The following UPP1 variants were observed in gnomAD, a reference collection of about 807,000 sequenced individuals.
The protein encoded by UPP1 is UPase 1.
UPP1 carries 25 observed loss-of-function variants against 29.6 expected under a neutral mutation model. That is an observed-to-expected ratio of 0.85 (90% CI 0.62 to 1.18). The LOEUF (loss-of-function observed/expected upper bound fraction) is 1.18, where lower values mean the gene tolerates loss of function less well. UPP1 is among the 50% of genes most tolerant of loss of function. The pLI, the probability that UPP1 is intolerant of heterozygous loss-of-function variation, is 0.00. For missense variants in UPP1, 368 were observed against 410.4 expected (o/e 0.90, Z 0.89); for synonymous variants, 165 against 159.8 (o/e 1.03, Z -0.25).
Position 48,095,925 on chromosome 7 carries a change from G to A in UPP1, c.44+1098G>A, listed in dbSNP as rs550866821. Among the ~76,000 whole-genome samples, 160 of 152,318 alleles carry A rather than the reference G, an allele frequency of 1.1e-3. 1 individual carries two copies. Among genetic ancestry groups the A allele is most frequent in the African/African-American group, 3.4e-3 (142 of 41,558 alleles). ...GTCTCCCAAAGTGCTGGGATTACGG[G>A]CGTGAGCCACTGTGGCCTGCCTCAG... On this transcript the variant is annotated intron_variant, in intron 3 of 8. Transcript: ENST00000395564.
intron 8 of UPP1, 120 bp downstream of exon 8, chr7:48,107,627 C>T (rs1243383186): frequency 3.8e-5 from 46 of 1,222,802 alleles, no homozygotes; most frequent in Non-Finnish European, 4.6e-5. Context: ...TTTCTGTTTC[C>T]GCTGCCCCCA....
At chr7:48,092,113 G>A (rs906526149) in intron 2 of UPP1, among the ~76,000 whole-genome samples, 3 of 152,022 alleles carry the variant, frequency 2.0e-5, no homozygotes, top group African/African-American at 7.3e-5. Context: ...TGGTTCACTG[G>A]GGGGCTGCTC....
intron 2 of UPP1, among the ~76,000 whole-genome samples, chr7:48,091,180 A>AAAACATT (rs1337146860): frequency 6.6e-6 from 1 of 152,192 alleles, no homozygotes; most frequent in Admixed American, 6.5e-5. Context: ...TGTTCATTCA[A>AAAACATT]AAAAGTATTT....
intron 2 of UPP1, among the ~76,000 whole-genome samples, chr7:48,093,238 A>C (rs1249426458): frequency 1.3e-5 from 2 of 152,156 alleles, no homozygotes; most frequent in Non-Finnish European, 2.9e-5. Flanking sequence ...TGGCATTCAA[A>C]ATTTGCTGGA....
rs868797374 is a variant in UPP1 at position 48,092,696 on chromosome 7, G to T, written c.-21-2067G>T. Reference sequence around the variant, plus strand: ...AGCCTGGGTAACAGAGTGAGACCCTGTTTGTTTCTTTTTTTTTTTTTTTTG... The same window carrying T: ...AGCCTGGGTAACAGAGTGAGACCCTTTTTGTTTCTTTTTTTTTTTTTTTTG... On this transcript the variant is annotated intron_variant, in intron 2 of 8. Coordinates refer to ENST00000395564, the MANE Select transcript of UPP1 (RefSeq NM_003364.4). Among the ~76,000 whole-genome samples, 212 of 150,098 alleles carry T rather than the reference G, an allele frequency of 1.4e-3. 1 individual carries two copies. The highest frequency in any genetic ancestry group is 4.8e-3 in the African/African-American group (197 of 40,986).
At chr7:48,107,819 T>G (rs1270611669) in intron 8 of UPP1, among the ~76,000 whole-genome samples, 1 of 152,204 alleles carries the variant, frequency 6.6e-6, no homozygotes, top group Non-Finnish European at 1.5e-5. Flanking sequence ...TTTGGCTTTC[T>G]GAATTGTGGT....
intron 4 of UPP1, among the ~76,000 whole-genome samples, chr7:48,100,537 A>C (rs1792365933): frequency 6.6e-6 from 1 of 152,236 alleles, no homozygotes; most frequent in African/African-American, 2.4e-5. Flanking sequence ...ATTTTGCTTC[A>C]TGCAGCTTCC....
chr7:48,093,992 TCTA>T (rs946338010), intron 2 of UPP1, among the ~76,000 whole-genome samples: 1 of 151,996 alleles, frequency 6.6e-6, no homozygotes, highest in African/African-American at 2.4e-5. Context: ...AAACCCTGTC[TCTA>T]CTAAAAATAC....
chr7:48,103,251 A>C (rs915105563), intron 5 of UPP1, 46 bp from the exon 6 acceptor site: 1 of 1,472,414 alleles, frequency 6.8e-7, no homozygotes, highest in East Asian at 2.3e-5. Context: ...GAACATTGAC[A>C]AAGTCACAAC....
chr7:48,103,559 G>T, intron 6 of UPP1, 148 bp downstream of exon 6: 1 of 899,080 alleles, frequency 1.1e-6, no homozygotes, highest in East Asian at 2.7e-5. Context: ...GGTGTGAAAA[G>T]AAGCTTGTTT....
chr7:48,095,183 C>CCTT (rs1274497412), intron 3 of UPP1, among the ~76,000 whole-genome samples: 4 of 152,160 alleles, frequency 2.6e-5, no homozygotes, highest in African/African-American at 9.7e-5. Flanking sequence ...ATTTTAAATG[C>CCTT]CTTCTTATTT....
intron 5 of UPP1, 23 bp from the exon 6 acceptor site, chr7:48,103,274 T>G (rs766583049): frequency 1.9e-6 from 3 of 1,591,676 alleles, no homozygotes; most frequent in Non-Finnish European, 2.6e-6. Context: ...TGGCTTAACA[T>G]GGGTGTTTCT....
Position 48,103,320 on chromosome 7 carries a change from C to G in UPP1, c.345C>G (p.Ile115Met). The change falls in exon 6 of 9, where the codon ATC (isoleucine) becomes ATG (methionine). Residue 115 changes from isoleucine to methionine, a missense_variant. Ile to Met is a conservative substitution (Grantham distance 10). Coordinates refer to ENST00000395564, the MANE Select transcript of UPP1 (RefSeq NM_003364.4). ...AGCATGGTATGGGCATTCCTTCTAT[C>G]TCAATCATGTTGCATGAGCTCATAA... is the stretch of plus-strand genomic sequence containing the variant. ...SVSHGMGIPS[I>M]SIMLHELIKL... 1 of 1,613,976 alleles carries G rather than the reference C, an allele frequency of 6.2e-7. No homozygotes were observed. Among genetic ancestry groups the G allele is most frequent in the South Asian group, 1.1e-5 (1 of 91,072 alleles).
At chr7:48,092,710 T>C (rs989351449) in intron 2 of UPP1, among the ~76,000 whole-genome samples, 1 of 151,430 alleles carries the variant, frequency 6.6e-6, no homozygotes, top group Non-Finnish European at 1.5e-5. Flanking sequence ...GTTTCTTTTT[T>C]TTTTTTTTTT....
intron 2 of UPP1, 41 bp from the exon 3 acceptor site, chr7:48,094,722 A>T: frequency 6.3e-7 from 1 of 1,597,676 alleles, no homozygotes; most frequent in Non-Finnish European, 8.6e-7. Context: ...CTTGGTTTCT[A>T]CTGAGTGGAT....
At chr7:48,100,921 A>T (rs77501181) in intron 4 of UPP1, among the ~76,000 whole-genome samples, 9,509 of 148,210 alleles carry the variant, frequency 0.064, 773 homozygotes, top group African/African-American at 0.2. Flanking sequence ...TTTTTTTTTT[A>T]AATTTTTTGA....
chr7:48,098,651 C>T (rs527664183), intron 3 of UPP1, among the ~76,000 whole-genome samples: 1 of 152,290 alleles, frequency 6.6e-6, no homozygotes, highest in East Asian at 1.9e-4. Context: ...TCTCTTGTGT[C>T]TTTTTCTTTT....
Position 48,106,927 on chromosome 7 carries a change from A to T in UPP1, c.491A>T (p.Lys164Met). 1 of 1,613,692 alleles carries T rather than the reference A, an allele frequency of 6.2e-7. No individual in the cohort carries two copies. Among genetic ancestry groups the T allele is most frequent in the East Asian group, 2.2e-5 (1 of 44,890 alleles). ...ITEQAVDTCF[K>M]AEFEQIVLGK... ...GAGCAGGCAGTGGATACCTGCTTCA[A>T]GGCAGAGTTTGAGCAGATTGTCCTG... is the stretch of plus-strand genomic sequence containing the variant. The change falls in exon 7 of 9, where the codon AAG becomes ATG. Residue 164 changes from lysine to methionine, a missense_variant. Transcript: ENST00000395564.
intron 3 of UPP1, among the ~76,000 whole-genome samples, chr7:48,096,825 G>C (rs1792154900): frequency 6.6e-6 from 1 of 151,498 alleles, no homozygotes; most frequent in African/African-American, 2.4e-5. Context: ...TCAGCCTCCT[G>C]AGTAGCTGGG....
Sources: gnomAD v4.1 joint callset for allele counts (sites outside exome capture counted in the v4.1 genomes callset) on GRCh38, gnomAD v4.1.1 for gene constraint, MANE v1.5 for transcripts, NCBI Gene and HGNC (gene_info 2026-07-23, HGNC 2026-07-21) for gene names.